The following CLMP variants were observed in gnomAD, a reference collection of about 807,000 sequenced individuals.
CLMP encodes the protein CXADR like cell adhesion molecule.
Under a neutral mutation model 45.2 loss-of-function variants are expected in CLMP, and 27 were observed. The ratio of observed to expected loss-of-function variants is 0.60; its 90% confidence interval spans 0.44 to 0.82. The LOEUF is 0.82. Ranked by LOEUF, CLMP falls within the 40% of genes least tolerant of loss-of-function variation. The pLI, the probability that CLMP is intolerant of heterozygous loss-of-function variation, is 0.00. For synonymous variants in CLMP, 167 were observed against 171.4 expected (o/e 0.97, Z 0.20); for missense variants, 403 against 448.4 (o/e 0.90, Z 0.91).
At chr11:123,140,191 G>A (rs990974597) in intron 1 of CLMP, among the ~76,000 whole-genome samples, 3 of 152,180 alleles carry the variant, frequency 2.0e-5, no homozygotes, top group Non-Finnish European at 4.4e-5. Context: ...GTGTTGATGG[G>A]GTTGGCTAAA....
intron 1 of CLMP, among the ~76,000 whole-genome samples, chr11:123,178,045 T>C (rs1000362356): frequency 7.2e-5 from 11 of 152,002 alleles, no homozygotes; most frequent in African/African-American, 2.4e-4. Flanking sequence ...TTTGTATTTT[T>C]AGTAGAGATG....
chr11:123,166,145 G>C (rs558058871), intron 1 of CLMP, among the ~76,000 whole-genome samples: 1 of 151,870 alleles, frequency 6.6e-6, no homozygotes, highest in Non-Finnish European at 1.5e-5. Context: ...CCTCCTTTCC[G>C]CATCGTGAGG....
At chr11:123,114,986 T>G (rs1860700876) in intron 1 of CLMP, among the ~76,000 whole-genome samples, 2 of 152,170 alleles carry the variant, frequency 1.3e-5, no homozygotes, top group Admixed American at 6.6e-5. Flanking sequence ...ACACAAATTT[T>G]TTGCTCTGGA....
At chr11:123,147,287 CG>C (rs1279453863) in intron 1 of CLMP, among the ~76,000 whole-genome samples, 1 of 152,048 alleles carries the variant, frequency 6.6e-6, no homozygotes, top group Non-Finnish European at 1.5e-5. Context: ...GCACATGAAC[CG>C]TCACACAATT....
rs1319576842 is a variant in CLMP, at chr11:123,147,774, G to A, written c.28+47139C>T. On this transcript the variant is annotated intron_variant, in intron 1 of 6. Transcript: ENST00000448775. ...GAAACAGTTGTTGAAGAAATGAATG[G>A]AGGGAGGTAATGAAACTTGCCTTAG... 2.0e-5 allele frequency among the ~76,000 whole-genome samples: 3 copies of A among 152,282 alleles called. No homozygotes were observed. In the East Asian group the frequency reaches 5.8e-4, roughly 29 times the overall value.
intron 1 of CLMP, among the ~76,000 whole-genome samples, chr11:123,112,497 T>C (rs1418469799): frequency 1.3e-5 from 2 of 148,918 alleles, no homozygotes; most frequent in Non-Finnish European, 3.0e-5. Flanking sequence ...GCTACCACGC[T>C]TGGCTAATTT....
At chr11:123,182,805 C>T (rs1193103531) in intron 1 of CLMP, among the ~76,000 whole-genome samples, 2 of 152,164 alleles carry the variant, frequency 1.3e-5, no homozygotes, top group African/African-American at 4.8e-5. Context: ...AAAGGCTTAA[C>T]CGTGAAATAA....
At chr11:123,170,840 G>T (rs1861623134) in intron 1 of CLMP, among the ~76,000 whole-genome samples, 1 of 152,150 alleles carries the variant, frequency 6.6e-6, no homozygotes, top group African/African-American at 2.4e-5. Context: ...TGCCTCCTTG[G>T]TCACAGCTTA....
At chr11:123,094,045 T>A (rs1345999434) in intron 2 of CLMP, among the ~76,000 whole-genome samples, 2 of 152,182 alleles carry the variant, frequency 1.3e-5, no homozygotes, top group African/African-American at 2.4e-5. Flanking sequence ...TTCACATTAT[T>A]TATGAAGGTA....
chr11:123,142,843 G>C (rs11219018), intron 1 of CLMP, among the ~76,000 whole-genome samples: 62,769 of 147,504 alleles, frequency 0.43, 14,576 homozygotes, highest in African/African-American at 0.62. Context: ...AGCCAGGATG[G>C]TCTCGATCTC....
chr11:123,077,971 G>A (rs536801383), intron 5 of CLMP, among the ~76,000 whole-genome samples: 1 of 152,062 alleles, frequency 6.6e-6, no homozygotes, highest in Non-Finnish European at 1.5e-5. Context: ...GCTGGGTGTG[G>A]TGTGCAGGCC....
In CLMP at chr11:123,096,029, A is replaced by T. The variant is rs182753023; in HGVS notation, c.186+1766T>A. The stretch of plus-strand genomic sequence containing the variant: ...ATGAACATCACTTCATTCAGAACTG[A>T]GAGTATCAAATCTAGGCTGACCAAG... On this transcript the variant is annotated intron_variant, in intron 2 of 6. Transcript: ENST00000448775. Among the ~76,000 whole-genome samples, 4 of 152,258 alleles carry T rather than the reference A, an allele frequency of 2.6e-5. No homozygotes were observed. In the East Asian group the frequency reaches 7.7e-4, roughly 29 times the overall value.
At position 123,083,752 on chromosome 11, in the gene CLMP, T is replaced by A. The variant is rs1246222655; in HGVS notation, c.484A>T (p.Ile162Phe). The A allele has an allele frequency of 6.2e-7, 1 of 1,614,108 alleles. No homozygotes were observed. The highest frequency in any genetic ancestry group is 1.1e-5 in the South Asian group (1 of 91,080). Residue 162 changes from isoleucine (I) to phenylalanine (F), a missense_variant, in exon 4 of 7, where the codon ATT becomes TTT. Physicochemically the swap from Ile to Phe is conservative, Grantham distance 21. Transcript: ENST00000448775. ...QCESSSGTEP[I>F]VYYWQRIREK... ...CGGATTCGCTGCCAGTAATACACAA[T>A]GGGCTCTGTGCCAGAGGATGACTCA... is the stretch of plus-strand genomic sequence containing the variant.
At chr11:123,080,981 A>G (rs1865797641) in intron 5 of CLMP, among the ~76,000 whole-genome samples, 1 of 152,070 alleles carries the variant, frequency 6.6e-6, no homozygotes, top group Non-Finnish European at 1.5e-5. Flanking sequence ...CGTCTCTACT[A>G]CTAAAAATAC....
chr11:123,177,970 C>A (rs1861720824), intron 1 of CLMP, among the ~76,000 whole-genome samples: 1 of 152,178 alleles, frequency 6.6e-6, no homozygotes, highest in African/African-American at 2.4e-5. Flanking sequence ...TCAAGCGATA[C>A]TTCTACCTCG....
At chr11:123,108,779 C>T (rs754513599) in intron 1 of CLMP, among the ~76,000 whole-genome samples, 5 of 152,066 alleles carry the variant, frequency 3.3e-5, no homozygotes, top group African/African-American at 9.7e-5. Flanking sequence ...CTTGGCTGGG[C>T]GCGGTGGCTC....
intron 6 of CLMP, 54 bp from the exon 7 acceptor site, chr11:123,073,828 G>A: frequency 1.3e-6 from 2 of 1,510,084 alleles, no homozygotes; most frequent in Non-Finnish European, 1.8e-6. Flanking sequence ...ATTGCTTCCA[G>A]TATGATTGCT....
intron 1 of CLMP, among the ~76,000 whole-genome samples, chr11:123,104,382 G>A (rs1260104719): frequency 1.4e-5 from 2 of 146,570 alleles, no homozygotes; most frequent in East Asian, 4.2e-4. Flanking sequence ...GCCCGGTCCT[G>A]GGTTCTATTT....
chr11:123,102,207 A>G (rs2135483757), intron 1 of CLMP, among the ~76,000 whole-genome samples: 1 of 151,646 alleles, frequency 6.6e-6, no homozygotes, highest in African/African-American at 2.4e-5. Flanking sequence ...TAAGATATGC[A>G]ACTTCCCTAG....
Sources: gnomAD v4.1 joint callset for allele counts (sites outside exome capture counted in the v4.1 genomes callset) on GRCh38, gnomAD v4.1.1 for gene constraint, MANE v1.5 for transcripts, NCBI Gene and HGNC (gene_info 2026-07-23, HGNC 2026-07-21) for gene names.